RASAL2: variants seen among roughly 807,000 people sequenced by gnomAD.
The protein encoded by RASAL2 is ras GTPase-activating protein nGAP.
A neutral mutation model predicts 128.9 loss-of-function variants in RASAL2; 58 were observed. That is an observed-to-expected ratio of 0.45 (90% CI 0.36 to 0.56). The LOEUF (loss-of-function observed/expected upper bound fraction) is 0.56. Among genes scored for constraint, RASAL2 ranks in the 20% least tolerant of loss-of-function variants. RASAL2 has a pLI of 0.00. For missense variants in RASAL2, 1,360 were observed against 1,601.6 expected (o/e 0.85, Z 2.57); for synonymous variants, 561 against 580.8 (o/e 0.97, Z 0.49).
chr1:178,301,341 A>G (rs1667752718), intron 3 of RASAL2, among the ~76,000 whole-genome samples: 1 of 152,136 alleles, frequency 6.6e-6, no homozygotes, highest in Non-Finnish European at 1.5e-5. Flanking sequence ...TTTATATTTC[A>G]CATCCAAGTT....
At chr1:178,308,271 C>T (rs1668087032) in intron 3 of RASAL2, among the ~76,000 whole-genome samples, 1 of 151,812 alleles carries the variant, frequency 6.6e-6, no homozygotes, top group African/African-American at 2.4e-5. Context: ...CTTTTAGAGT[C>T]AAAGCTAGCT....
At chr1:178,286,807 A>G (rs1667051852) in intron 2 of RASAL2, among the ~76,000 whole-genome samples, 2 of 152,120 alleles carry the variant, frequency 1.3e-5, no homozygotes, top group Admixed American at 6.5e-5. Context: ...ATTTTTTACG[A>G]TTCTGATATC....
At chr1:178,145,542 T>C (rs975235889) in intron 1 of RASAL2, among the ~76,000 whole-genome samples, 2 of 104,998 alleles carry the variant, frequency 1.9e-5, no homozygotes, top group African/African-American at 7.7e-5. Flanking sequence ...AGGGCCCAAA[T>C]AGTGACTTTG....
intron 1 of RASAL2, among the ~76,000 whole-genome samples, chr1:178,211,429 C>T (rs1428983688): frequency 1.3e-5 from 2 of 152,110 alleles, no homozygotes; most frequent in African/African-American, 4.8e-5. Flanking sequence ...CTTATTTAAA[C>T]TTTTTCAGTA....
intron 2 of RASAL2, among the ~76,000 whole-genome samples, chr1:178,290,911 C>T (rs182092350): frequency 8.0e-4 from 122 of 152,140 alleles, no homozygotes; most frequent in Admixed American, 1.4e-3. Flanking sequence ...CTCCTGACCT[C>T]GTGATCCGCC....
intron 3 of RASAL2, among the ~76,000 whole-genome samples, chr1:178,349,399 G>A (rs1670340414): frequency 1.3e-5 from 2 of 151,998 alleles, no homozygotes; most frequent in Non-Finnish European, 2.9e-5. Flanking sequence ...ACTCCAGCCT[G>A]GCGACAGAGT....
intron 1 of RASAL2, among the ~76,000 whole-genome samples, chr1:178,214,171 G>C (rs1663347813): frequency 6.6e-6 from 1 of 152,218 alleles, no homozygotes; most frequent in Non-Finnish European, 1.5e-5. Flanking sequence ...TTGGGAGGCT[G>C]AAGCAAGTGG....
intron 1 of RASAL2, among the ~76,000 whole-genome samples, chr1:178,111,323 T>G (rs316246): frequency 1 from 152,075 of 152,306 alleles, 75,922 homozygotes; most frequent in Middle Eastern, 1. Flanking sequence ...TGCCCAGGCT[T>G]ATCTCAAACT....
At chr1:178,257,630 A>T (rs1324178175) in intron 1 of RASAL2, among the ~76,000 whole-genome samples, 1 of 152,004 alleles carries the variant, frequency 6.6e-6, no homozygotes, top group Non-Finnish European at 1.5e-5. Flanking sequence ...CACGTGCTTG[A>T]GCCCAGGAGT....
intron 3 of RASAL2, among the ~76,000 whole-genome samples, chr1:178,314,964 A>G (rs1668436332): frequency 1.6e-5 from 2 of 123,092 alleles, no homozygotes; most frequent in South Asian, 5.6e-4. Flanking sequence ...CACAGTCCCC[A>G]GAGTGTGATA....
At chr1:178,220,478 G>A (rs193214383) in intron 1 of RASAL2, among the ~76,000 whole-genome samples, 1 of 152,288 alleles carries the variant, frequency 6.6e-6, no homozygotes, top group East Asian at 1.9e-4. Flanking sequence ...AGATACAATA[G>A]TAATGAAAAA....
At chr1:178,227,999 A>C (rs1389101761) in intron 1 of RASAL2, among the ~76,000 whole-genome samples, 1 of 152,206 alleles carries the variant, frequency 6.6e-6, no homozygotes, top group African/African-American at 2.4e-5. Flanking sequence ...ATGAAGTGTC[A>C]AGTTATTGTT....
intron 15 of RASAL2, 95 bp from the exon 16 acceptor site, chr1:178,465,825 A>G (rs961931623): frequency 3.5e-6 from 4 of 1,148,262 alleles, no homozygotes; most frequent in Non-Finnish European, 3.6e-6. Flanking sequence ...AAAGAAAAAG[A>G]AAAAAAGAAA....
chr1:178,094,770 G>T, intron 1 of RASAL2, 76 bp downstream of exon 1: 2 of 1,550,022 alleles, frequency 1.3e-6, no homozygotes, highest in South Asian at 1.2e-5. Context: ...CTAAGTCACA[G>T]GCTCATTCCC....
At chr1:178,294,461 C>T (rs1462915826) in intron 2 of RASAL2, among the ~76,000 whole-genome samples, 1 of 152,172 alleles carries the variant, frequency 6.6e-6, no homozygotes, top group Non-Finnish European at 1.5e-5. Flanking sequence ...ACGTCCCAGG[C>T]AGATACCAGT....
chr1:178,110,519 GTA>G (rs1213571914), intron 1 of RASAL2, among the ~76,000 whole-genome samples: 2 of 139,388 alleles, frequency 1.4e-5, no homozygotes, highest in African/African-American at 5.4e-5. Flanking sequence ...CATATATAGT[GTA>G]TATATATGCT....
intron 3 of RASAL2, among the ~76,000 whole-genome samples, chr1:178,331,325 C>CCA (rs1284406464): frequency 1.3e-5 from 2 of 152,194 alleles, no homozygotes; most frequent in Admixed American, 1.3e-4. Flanking sequence ...GTGCGCAGCA[C>CCA]CACACGTGAC....
chr1:178,359,982 G>A (rs1291205656), intron 3 of RASAL2, among the ~76,000 whole-genome samples: 2 of 152,134 alleles, frequency 1.3e-5, no homozygotes, highest in African/African-American at 2.4e-5. Context: ...GTCTGCCTCT[G>A]GGTGTAAGGG....
chr1:178,430,662 G>A (rs1675826483), intron 5 of RASAL2, among the ~76,000 whole-genome samples: 1 of 151,938 alleles, frequency 6.6e-6, no homozygotes, highest in Admixed American at 6.6e-5. Flanking sequence ...TGTGTGAGAT[G>A]TAGGAAGAGA....
Sources: allele counts gnomAD v4.1 joint callset (sites outside exome capture counted in the v4.1 genomes callset), GRCh38; gene constraint gnomAD v4.1.1; transcripts MANE v1.5; gene names NCBI Gene and HGNC (gene_info 2026-07-23, HGNC 2026-07-21).